Variants in FTO observed in about 807,000 individuals in gnomAD.
FTO encodes alpha-ketoglutarate-dependent dioxygenase FTO.
FTO carries 47 observed loss-of-function variants against 63.9 expected under a neutral mutation model. The observed-to-expected ratio is 0.74, with a 90% CI of 0.58 to 0.94. The LOEUF is 0.94. Among genes scored for constraint, FTO ranks in the 40% least tolerant of loss-of-function variants. The pLI, the probability that FTO is intolerant of heterozygous loss-of-function variation, is 0.00. For missense variants in FTO, 562 were observed against 618.1 expected, an observed-to-expected ratio of 0.91 and a Z score of 0.96; for synonymous variants, 207 against 224.4, an observed-to-expected ratio of 0.92 and a Z score of 0.69.
chr16:53,964,650 G>A (rs769026098), intron 8 of FTO, among the ~76,000 whole-genome samples: 1 of 152,132 alleles, frequency 6.6e-6, no homozygotes, highest in African/African-American at 2.4e-5. Context: ...ATCCCCAAAA[G>A]ATGTTTGGTA....
At chr16:54,019,031 TTC>T (rs1283238820) in intron 8 of FTO, among the ~76,000 whole-genome samples, 2 of 152,178 alleles carry the variant, frequency 1.3e-5, no homozygotes, top group Non-Finnish European at 2.9e-5. Flanking sequence ...TTGAGTTCTT[TTC>T]TTCAGTTTCT....
intron 8 of FTO, among the ~76,000 whole-genome samples, chr16:54,067,674 T>C (rs1005789033): frequency 2.3e-4 from 35 of 152,324 alleles, no homozygotes; most frequent in Non-Finnish European, 4.7e-4. Flanking sequence ...GTGTCTAATG[T>C]TCCATGTAGT....
intron 1 of FTO, among the ~76,000 whole-genome samples, chr16:53,764,760 C>T (rs1057372922): frequency 1.3e-5 from 2 of 151,946 alleles, no homozygotes; most frequent in South Asian, 2.1e-4. Context: ...TTCACTGTAG[C>T]CCAGGCTGGA....
chr16:53,711,192 A>G (rs946302708), intron 1 of FTO, among the ~76,000 whole-genome samples: 2 of 152,118 alleles, frequency 1.3e-5, no homozygotes, highest in African/African-American at 4.8e-5. Context: ...TTCTGATCCC[A>G]GGACGTTTAT....
chr16:54,057,931 G>C (rs186913359), intron 8 of FTO, among the ~76,000 whole-genome samples: 2 of 152,140 alleles, frequency 1.3e-5, no homozygotes, highest in Admixed American at 1.3e-4. Flanking sequence ...ACAGTGGTAA[G>C]AACACATCTC....
intron 8 of FTO, among the ~76,000 whole-genome samples, chr16:53,986,028 T>C (rs1461524193): frequency 6.6e-6 from 1 of 152,196 alleles, no homozygotes; most frequent in African/African-American, 2.4e-5. Flanking sequence ...TGAGCAAAAT[T>C]CTGAAAAACT....
intron 1 of FTO, among the ~76,000 whole-genome samples, chr16:53,732,824 A>AG (rs1470710962): frequency 1.3e-5 from 2 of 152,094 alleles, no homozygotes; most frequent in Non-Finnish European, 1.5e-5. Context: ...TGCTAAGAAG[A>AG]GGGGGAAAAA....
chr16:53,988,338 G>T (rs2083721321), intron 8 of FTO, among the ~76,000 whole-genome samples: 1 of 152,164 alleles, frequency 6.6e-6, no homozygotes, highest in Admixed American at 6.5e-5. Flanking sequence ...TCAGTGCCAA[G>T]ACAATAAGAA....
At chr16:54,004,103 T>G (rs1438323616) in intron 8 of FTO, among the ~76,000 whole-genome samples, 3 of 152,230 alleles carry the variant, frequency 2.0e-5, no homozygotes, top group Non-Finnish European at 2.9e-5. Flanking sequence ...CTGACTTTAC[T>G]TTCAATTCTG....
intron 7 of FTO, among the ~76,000 whole-genome samples, chr16:53,926,207 A>G (rs1177739039): frequency 2.0e-5 from 3 of 152,192 alleles, no homozygotes; most frequent in Admixed American, 6.5e-5. Flanking sequence ...GTCACCTACC[A>G]AGGGCATATA....
chr16:53,911,089 A>G (rs2081684760), intron 7 of FTO, among the ~76,000 whole-genome samples: 1 of 152,212 alleles, frequency 6.6e-6, no homozygotes, highest in African/African-American at 2.4e-5. Context: ...AGCCAAGCGT[A>G]GATTTGGGAG....
At chr16:53,910,078 G>C (rs763522133) in intron 7 of FTO, among the ~76,000 whole-genome samples, 22 of 152,232 alleles carry the variant, frequency 1.4e-4, no homozygotes, top group South Asian at 6.2e-4. Context: ...TGTGGAGATG[G>C]GGTCTCACTT....
intron 1 of FTO, among the ~76,000 whole-genome samples, chr16:53,719,356 C>T (rs561515010): frequency 1.5e-4 from 23 of 151,530 alleles, no homozygotes; most frequent in African/African-American, 4.8e-4. Flanking sequence ...TTCAGCCCCC[C>T]GAGTAGCTGG....
intron 2 of FTO, among the ~76,000 whole-genome samples, chr16:53,825,610 A>G (rs924650328): frequency 1.3e-5 from 2 of 152,268 alleles, no homozygotes; most frequent in East Asian, 3.9e-4. Context: ...CAGGACACAC[A>G]TTATTATTTT....
chr16:53,745,832 C>T (rs989780867), intron 1 of FTO, among the ~76,000 whole-genome samples: 1 of 152,090 alleles, frequency 6.6e-6, no homozygotes, highest in African/African-American at 2.4e-5. Context: ...TAATGTGATC[C>T]CAGATATGAC....
chr16:54,121,566 G>T lies in FTO; in HGVS notation c.*9651G>T, dbSNP rs921211720. The T allele has an allele frequency of 6.6e-6, 1 of 152,242 alleles. No individual in the cohort carries two copies. The highest frequency in any genetic ancestry group is 1.9e-4 in the East Asian group (1 of 5,196). The allele number at this position is 152,242 out of a possible 1,614,324, so 9.4% of individuals were successfully genotyped here. A position where few individuals can be genotyped will look rare whatever the true frequency, so the allele number is the denominator to read the frequency against. ...TCTTGTCTCAACAGACGGCAGATTCGCAGGGAAGCAGGCCGAGCCTGATCT... is the reference window on the plus strand; with the variant it reads ...TCTTGTCTCAACAGACGGCAGATTCTCAGGGAAGCAGGCCGAGCCTGATCT... On this transcript the variant is annotated 3_prime_UTR_variant, in exon 9 of 9. Transcript: ENST00000471389.
intron 1 of FTO, among the ~76,000 whole-genome samples, chr16:53,722,842 AT>A (rs1309462171): frequency 2.0e-5 from 3 of 146,432 alleles, no homozygotes; most frequent in Non-Finnish European, 4.5e-5. Flanking sequence ...AAAAAAAAAA[AT>A]GTTTTGTGTA....
intron 5 of FTO, among the ~76,000 whole-genome samples, chr16:53,874,521 A>G (rs1391604128): frequency 1.3e-5 from 2 of 152,210 alleles, no homozygotes; most frequent in Non-Finnish European, 2.9e-5. Context: ...AAGGCATGAA[A>G]GGGATTACAA....
intron 7 of FTO, among the ~76,000 whole-genome samples, chr16:53,897,244 A>G (rs1432831476): frequency 6.6e-6 from 1 of 152,136 alleles, no homozygotes; most frequent in Non-Finnish European, 1.5e-5. Flanking sequence ...ACCACCTGTG[A>G]CAGTCTCAAT....
Sources: gnomAD v4.1 joint callset for allele counts (sites outside exome capture counted in the v4.1 genomes callset) on GRCh38, gnomAD v4.1.1 for gene constraint, MANE v1.5 for transcripts, NCBI Gene and HGNC (gene_info 2026-07-23, HGNC 2026-07-21) for gene names.